ACADSB: variants seen among roughly 807,000 people sequenced by gnomAD.
The protein encoded by ACADSB is short/branched chain specific acyl-CoA dehydrogenase, mitochondrial.
A neutral mutation model predicts 54.1 loss-of-function variants in ACADSB; 40 were observed. That is an observed-to-expected ratio of 0.74 (90% CI 0.57 to 0.96). The LOEUF is 0.96. Ranked by LOEUF, ACADSB falls within the 40% of genes least tolerant of loss-of-function variation. The pLI, the probability that ACADSB is intolerant of heterozygous loss-of-function variation, is 0.00. For missense variants in ACADSB, 530 were observed against 510.4 expected, an observed-to-expected ratio of 1.04 and a Z score of -0.37; for synonymous variants, 182 against 182.8, an observed-to-expected ratio of 1.00 and a Z score of 0.03.
At position 123,043,062 on chromosome 10, in the gene ACADSB, C is replaced by A; in HGVS notation, c.698C>A (p.Thr233Asn). 1 of 1,613,690 alleles carries A rather than the reference C, an allele frequency of 6.2e-7. No individual in the cohort carries two copies. Among genetic ancestry groups the A allele is most frequent in the African/African-American group, 1.3e-5 (1 of 75,022 alleles). Residue 233 changes from threonine (T) to asparagine (N), a missense_variant, in exon 6 of 11, where the codon ACC becomes AAC. Physicochemically the swap from Thr to Asn is moderately conservative, Grantham distance 65 (BLOSUM62 0). Coordinates refer to ENST00000358776, the MANE Select transcript of ACADSB (RefSeq NM_001609.4). Reference sequence around the variant, plus strand: ...TCTTTTTAGGGATATAAGGGAATTACCTCCTTCTTAGTAGATCGTGATACT... The same window carrying A: ...TCTTTTTAGGGATATAAGGGAATTAACTCCTTCTTAGTAGATCGTGATACT... The part of the protein sequence containing the change: ...VDPTIGYKGI[T>N]SFLVDRDTPG...
intron 7 of ACADSB, among the ~76,000 whole-genome samples, chr10:123,045,765 AT>A (rs35460175): frequency 1.6e-3 from 242 of 152,164 alleles, no homozygotes; most frequent in Non-Finnish European, 2.9e-3. Flanking sequence ...ACTAGAGCTC[AT>A]TTTTTTCAGA....
intron 1 of ACADSB, among the ~76,000 whole-genome samples, chr10:123,031,773 C>G (rs952888739): frequency 6.6e-6 from 1 of 152,116 alleles, no homozygotes; most frequent in Non-Finnish European, 1.5e-5. Flanking sequence ...CCCTGTGATC[C>G]TATACCATTT....
At chr10:123,024,789 A>G (rs1850228761) in intron 1 of ACADSB, among the ~76,000 whole-genome samples, 1 of 152,212 alleles carries the variant, frequency 6.6e-6, no homozygotes, top group South Asian at 2.1e-4. Context: ...CCAGTTACAG[A>G]ATTTTCTGGG....
chr10:123,034,571 A>G, intron 2 of ACADSB, 56 bp downstream of exon 2: 1 of 1,571,712 alleles, frequency 6.4e-7, no homozygotes, highest in Non-Finnish European at 8.6e-7. Context: ...TCTGGAGCAT[A>G]GTGGTGCAAT....
intron 1 of ACADSB, among the ~76,000 whole-genome samples, chr10:123,011,069 T>C (rs1850027711): frequency 6.6e-6 from 1 of 152,158 alleles, no homozygotes; most frequent in African/African-American, 2.4e-5. Flanking sequence ...TAGGAGCCAT[T>C]GAAGGTCAAG....
At chr10:123,048,031 G>A (rs1441444483) in intron 8 of ACADSB, among the ~76,000 whole-genome samples, 1 of 152,160 alleles carries the variant, frequency 6.6e-6, no homozygotes, top group African/African-American at 2.4e-5. Flanking sequence ...CAGGGTGGGG[G>A]CAGCCTGGAG....
intron 10 of ACADSB, 30 bp downstream of exon 10, chr10:123,053,190 T>G (rs1443529164): frequency 1.3e-6 from 2 of 1,543,756 alleles, no homozygotes; most frequent in Non-Finnish European, 1.8e-6. Context: ...TTACATTTTA[T>G]TTTGTTTTAT....
At chr10:123,044,535 A>G (rs1850524903) in intron 7 of ACADSB, 50 bp downstream of exon 7, 2 of 1,472,268 alleles carry the variant, frequency 1.4e-6, no homozygotes, top group African/African-American at 1.4e-5. Context: ...AAACTGTGAA[A>G]AGAAAAAAAT....
intron 1 of ACADSB, among the ~76,000 whole-genome samples, chr10:123,033,355 C>T (rs181852928): frequency 8.5e-5 from 13 of 152,190 alleles, no homozygotes; most frequent in South Asian, 2.1e-4. Context: ...TGGTTTCAAA[C>T]GTAGTGACTC....
At chr10:123,042,044 C>T (rs1850482556) in intron 5 of ACADSB, among the ~76,000 whole-genome samples, 1 of 150,314 alleles carries the variant, frequency 6.7e-6, no homozygotes, top group African/African-American at 2.5e-5. Flanking sequence ...CACCTCACTG[C>T]AACCTCCTCC....
intron 1 of ACADSB, among the ~76,000 whole-genome samples, chr10:123,021,989 A>G (rs1850190588): frequency 6.6e-6 from 1 of 152,212 alleles, no homozygotes; most frequent in Admixed American, 6.5e-5. Flanking sequence ...AACTCAGTCA[A>G]CTGTGAAGAG....
intron 2 of ACADSB, among the ~76,000 whole-genome samples, chr10:123,037,468 G>A (rs1466906981): frequency 6.6e-6 from 1 of 152,158 alleles, no homozygotes; most frequent in Non-Finnish European, 1.5e-5. Context: ...GGGTAGAGTG[G>A]AAATGGCTTT....
chr10:123,037,125 C>A (rs542747713), intron 2 of ACADSB, among the ~76,000 whole-genome samples: 1 of 152,196 alleles, frequency 6.6e-6, no homozygotes, highest in African/African-American at 2.4e-5. Flanking sequence ...ACGCTCCTGG[C>A]AGCTAGTGGG....
At position 123,041,333 on chromosome 10, in the gene ACADSB, A is replaced by T. The variant is rs1291869438; in HGVS notation, c.635A>T (p.Glu212Val). The T allele has an allele frequency of 1.2e-6, 2 of 1,614,090 alleles. No individual in the cohort carries two copies. The highest frequency in any genetic ancestry group is 2.7e-5 in the African/African-American group (2 of 74,934). ...NGSKMWISSA[E>V]HAGLFLVMAN... ...TCAAAGATGTGGATCAGCAGTGCTG[A>T]GCACGCAGGGCTCTTTCTGGTGATG... is the stretch of plus-strand genomic sequence containing the variant. Residue 212 changes from glutamate (E) to valine (V), a missense_variant, in exon 5 of 11, where the codon GAG becomes GTG. Glu to Val is a moderately radical substitution (Grantham distance 121). Coordinates refer to ENST00000358776, the MANE Select transcript of ACADSB (RefSeq NM_001609.4).
At chr10:123,036,669 C>T (rs1564750572) in intron 2 of ACADSB, among the ~76,000 whole-genome samples, 1 of 152,172 alleles carries the variant, frequency 6.6e-6, no homozygotes, top group Non-Finnish European at 1.5e-5. Context: ...TTCAGAATAA[C>T]ATGGTAAATG....
intron 3 of ACADSB, among the ~76,000 whole-genome samples, chr10:123,039,731 T>A (rs969881251): frequency 2.0e-5 from 3 of 152,338 alleles, no homozygotes; most frequent in Admixed American, 2.0e-4. Context: ...TTTCTTCTGT[T>A]TCCTTATTAC....
At chr10:123,021,380 A>C (rs1385265592) in intron 1 of ACADSB, among the ~76,000 whole-genome samples, 1 of 152,180 alleles carries the variant, frequency 6.6e-6, no homozygotes, top group Non-Finnish European at 1.5e-5. Context: ...ATCAAATAAT[A>C]CCCTTTTGAA....
chr10:123,040,782 C>T (rs980404703), intron 4 of ACADSB, 110 bp downstream of exon 4: 23 of 1,000,498 alleles, frequency 2.3e-5, no homozygotes, highest in Admixed American at 4.0e-5. Flanking sequence ...GACCACAATG[C>T]GGTATCATTA....
intron 1 of ACADSB, among the ~76,000 whole-genome samples, chr10:123,022,495 AC>A (rs1175685472): frequency 6.6e-6 from 1 of 152,156 alleles, no homozygotes; most frequent in Non-Finnish European, 1.5e-5. Flanking sequence ...TATGACATGA[AC>A]CCCAAAATTC....
Sources: allele counts gnomAD v4.1 joint callset (sites outside exome capture counted in the v4.1 genomes callset), GRCh38; gene constraint gnomAD v4.1.1; transcripts MANE v1.5; gene names NCBI Gene and HGNC (gene_info 2026-07-23, HGNC 2026-07-21).